Variants in HEATR3 observed in about 807,000 individuals in gnomAD.
HEATR3 encodes the protein HEAT repeat-containing protein 3.
HEATR3 carries 56 observed loss-of-function variants against 72.8 expected under a neutral mutation model. The observed-to-expected ratio is 0.77, with a 90% CI of 0.62 to 0.96. HEATR3 has a LOEUF of 0.96. HEATR3 is among the 40% of genes least tolerant of loss of function. The probability of loss-of-function intolerance (pLI) is 0.00; values close to 1 mark genes in which losing one functional copy is unlikely to be tolerated. For missense variants in HEATR3, 747 were observed against 831.4 expected, an observed-to-expected ratio of 0.90 and a Z score of 1.25; for synonymous variants, 331 against 318.1, an observed-to-expected ratio of 1.04 and a Z score of -0.43.
At chr16:50,080,497 C>T (rs1451914214) in intron 7 of HEATR3, among the ~76,000 whole-genome samples, 1 of 151,968 alleles carries the variant, frequency 6.6e-6, no homozygotes, top group African/African-American at 2.4e-5. Flanking sequence ...TGTGTCACCA[C>T]ACCCGGCCAA....
At chr16:50,104,709 A>G (rs1044800464) in intron 14 of HEATR3, among the ~76,000 whole-genome samples, 2 of 152,180 alleles carry the variant, frequency 1.3e-5, no homozygotes, top group African/African-American at 2.4e-5. Context: ...TATAACTCCT[A>G]CCACCTGCCA....
chr16:50,086,516 G>A (rs1298560034), intron 11 of HEATR3, among the ~76,000 whole-genome samples, 165 bp downstream of exon 11: 1 of 152,184 alleles, frequency 6.6e-6, no homozygotes, highest in African/African-American at 2.4e-5. Flanking sequence ...GAGTCAAAAC[G>A]AGGTATGCAA....
rs1213993098 is a variant in HEATR3, at chr16:50,107,154, TTC to T, written c.*2095_*2096del. Among the ~76,000 whole-genome samples, 1 of 152,228 alleles carries T rather than the reference TTC, an allele frequency of 6.6e-6. No homozygotes were observed. The highest frequency in any genetic ancestry group is 1.5e-5 in the Non-Finnish European group (1 of 68,038). ...AGAAAAAAGTTCCTCATTCTGTTTA[TTC>T]TTCCCCACAGTTTCTGACCTATAAA... On this transcript the variant is annotated 3_prime_UTR_variant, in exon 15 of 15. Transcript: ENST00000299192.
Position 50,083,954 on chromosome 16 carries a change from G to A in HEATR3, c.1059G>A (p.Leu353=), listed in dbSNP as rs532845983. The A allele has an allele frequency of 4.4e-6, 7 of 1,608,074 alleles. No homozygotes were observed. The highest frequency in any genetic ancestry group is 1.7e-5 in the Admixed American group (1 of 59,744). ...TTTTTAAGCCCACTGACAAGGAACTGAGAGAGACTATAGCATTGCTGACAG... is the reference window on the plus strand; with the variant it reads ...TTTTTAAGCCCACTGACAAGGAACTAAGAGAGACTATAGCATTGCTGACAG... The part of the protein sequence containing the change: ...SDLLPPTDKE[L]RETIALLTAQ... The change falls in exon 8 of 15, where the codon CTG becomes CTA. Residue 353 remains leucine, a synonymous_variant. Coordinates refer to ENST00000299192, the MANE Select transcript of HEATR3 (RefSeq NM_182922.4).
At position 50,078,988 on chromosome 16, in the gene HEATR3, A is replaced by C. The variant is rs774720081; in HGVS notation, c.1011A>C (p.Arg337Ser). ...MEGISHKRRV[R>S]RKTFVSDLLP... Reference sequence around the variant, plus strand: ...GAATTTCTCATAAAAGAAGAGTCAGAAGGAAAACTTTCGTTTCAGATTTAC... The same window carrying C: ...GAATTTCTCATAAAAGAAGAGTCAGCAGGAAAACTTTCGTTTCAGATTTAC... Residue 337 changes from arginine (R) to serine (S), a missense_variant, in exon 7 of 15, where the codon AGA (arginine) becomes AGC (serine). Around this residue, in one of 2 missense-constraint regions of HEATR3, gnomAD observed 586 missense variants for 708.8 expected, o/e 0.83. Transcript: ENST00000299192. 7.4e-6 allele frequency: 12 copies of C among 1,612,978 alleles called. No individual in the cohort carries two copies. In the African/African-American group the frequency reaches 1.6e-4, roughly 22 times the overall value.
At chr16:50,088,187 T>C (rs2037030529) in intron 11 of HEATR3, among the ~76,000 whole-genome samples, 3 of 152,228 alleles carry the variant, frequency 2.0e-5, no homozygotes, top group Admixed American at 1.3e-4. Context: ...CAACATCCAT[T>C]CAAGTGTTGG....
chr16:50,094,197 A>G (rs1315264872), intron 11 of HEATR3, among the ~76,000 whole-genome samples: 1 of 152,176 alleles, frequency 6.6e-6, no homozygotes, highest in Non-Finnish European at 1.5e-5. Flanking sequence ...AAGTGTGCGA[A>G]TAAGGAGTAG....
intron 14 of HEATR3, 48 bp from the exon 15 acceptor site, chr16:50,104,891 T>G: frequency 6.8e-7 from 1 of 1,471,822 alleles, no homozygotes; most frequent in Non-Finnish European, 9.2e-7. Flanking sequence ...TTAAATGAAT[T>G]AATCATATCT....
intron 11 of HEATR3, among the ~76,000 whole-genome samples, chr16:50,087,630 A>G (rs1257797279): frequency 6.6e-6 from 1 of 152,176 alleles, no homozygotes; most frequent in Non-Finnish European, 1.5e-5. Flanking sequence ...TGCTGGAGCG[A>G]GGGTAGCCTG....
chr16:50,099,204 C>G (rs1030976805), intron 12 of HEATR3, among the ~76,000 whole-genome samples: 1 of 152,066 alleles, frequency 6.6e-6, no homozygotes, highest in African/African-American at 2.4e-5. Flanking sequence ...ACCAGAAAAC[C>G]TTATACTCTA....
intron 11 of HEATR3, among the ~76,000 whole-genome samples, chr16:50,090,120 T>C (rs2037076036): frequency 6.6e-6 from 1 of 151,982 alleles, no homozygotes; most frequent in South Asian, 2.1e-4. Context: ...CTTTGGGAGC[T>C]GAATTGGGAG....
chr16:50,071,555 G>T (rs964016113), intron 4 of HEATR3, among the ~76,000 whole-genome samples: 7 of 152,138 alleles, frequency 4.6e-5, no homozygotes, highest in South Asian at 2.1e-4. Flanking sequence ...ATACCTATGA[G>T]CCCTGTCTGT....
intron 12 of HEATR3, among the ~76,000 whole-genome samples, chr16:50,097,399 T>C (rs1172616419): frequency 7.6e-6 from 1 of 131,180 alleles, no homozygotes; most frequent in East Asian, 2.0e-4. Flanking sequence ...TGACCAGTGA[T>C]TTTTTTTTTT....
intron 4 of HEATR3, among the ~76,000 whole-genome samples, 189 bp from the exon 5 acceptor site, chr16:50,072,416 T>G (rs1476621250): frequency 6.6e-6 from 1 of 152,174 alleles, no homozygotes; most frequent in Non-Finnish European, 1.5e-5. Flanking sequence ...AGAAATAAAA[T>G]ATAGATAGCC....
intron 2 of HEATR3, 193 bp downstream of exon 2, chr16:50,066,732 G>A: frequency 2.1e-6 from 1 of 482,930 alleles, no homozygotes; most frequent in Admixed American, 4.4e-5. Flanking sequence ...CTGTCCACCT[G>A]GCTGCTTCAC....
intron 11 of HEATR3, among the ~76,000 whole-genome samples, chr16:50,090,353 T>G (rs1449111099): frequency 1.3e-5 from 2 of 151,918 alleles, no homozygotes; most frequent in East Asian, 3.9e-4. Context: ...GACTCTTATC[T>G]CAATTAAAAA....
chr16:50,092,690 C>T (rs2037146513), intron 11 of HEATR3, among the ~76,000 whole-genome samples: 1 of 151,932 alleles, frequency 6.6e-6, no homozygotes, highest in South Asian at 2.1e-4. Flanking sequence ...GATCGGCCCA[C>T]CTTGGCCTCC....
chr16:50,102,491 G>A, intron 14 of HEATR3, 56 bp downstream of exon 14: 2 of 1,519,858 alleles, frequency 1.3e-6, no homozygotes. Flanking sequence ...TGGGGACAAG[G>A]GTGTGTGTAG....
chr16:50,075,529 C>T (rs2150600384), intron 5 of HEATR3, 42 bp from the exon 6 acceptor site: 1 of 1,562,042 alleles, frequency 6.4e-7, no homozygotes, highest in Non-Finnish European at 8.8e-7. Flanking sequence ...TTATCCAAAG[C>T]AGAATTCATT....
Sources: gnomAD v4.1 joint callset for allele counts (sites outside exome capture counted in the v4.1 genomes callset) on GRCh38, gnomAD v4.1.1 for gene constraint, gnomAD v4.1.1 regional missense constraint, MANE v1.5 for transcripts, NCBI Gene and HGNC (gene_info 2026-07-23, HGNC 2026-07-21) for gene names.